GPRC6A: variants seen among roughly 807,000 people sequenced by gnomAD.
GPRC6A encodes G protein-coupled receptor class C group 6 member A.
In GPRC6A, 54 loss-of-function variants were observed where a neutral mutation model predicts 47.0. That is an observed-to-expected ratio of 1.15 (90% confidence interval 0.92 to 1.44). The LOEUF is 1.44. GPRC6A is among the 40% of genes most tolerant of loss of function. The pLI is 0.00. For missense variants in GPRC6A, 1,112 were observed against 1,105.5 expected (o/e 1.01, Z -0.08); for synonymous variants, 347 against 377.1 (o/e 0.92, Z 0.93).
chr6:116,805,886 A>G (rs1772820605), intron 3 of GPRC6A, among the ~76,000 whole-genome samples: 3 of 152,074 alleles, frequency 2.0e-5, no homozygotes, highest in African/African-American at 7.2e-5. Context: ...TGAGAGTCTT[A>G]ACTATAGGTG....
Position 116,792,651 on chromosome 6 carries a change from A to G in GPRC6A, c.2272T>C (p.Tyr758His), listed in dbSNP as rs1417620552. The G allele has an allele frequency of 1.9e-6, 3 of 1,613,604 alleles. No individual in the cohort carries two copies. The highest frequency in any genetic ancestry group is 2.5e-6 in the Non-Finnish European group (3 of 1,179,684). Residue 758 changes from tyrosine to histidine, a missense_variant, in exon 6 of 6, where the codon TAC becomes CAC. Coordinates refer to ENST00000310357, the MANE Select transcript of GPRC6A (RefSeq NM_148963.4). ...SILAFGTMLG[Y>H]IAILAFICFI... ...CAAATGAAGGCCAGGATGGCAATGT[A>G]GCCCAGCATGGTGCCAAATGCAAGT...
In GPRC6A at chr6:116,792,737, G is replaced by A. The variant is rs764428178; in HGVS notation, c.2186C>T (p.Thr729Ile). Residue 729 changes from threonine (T) to isoleucine (I), a missense_variant, in exon 6 of 6, where the codon ACT becomes ATT. Coordinates refer to ENST00000310357, the MANE Select transcript of GPRC6A (RefSeq NM_148963.4). ...GGGCAAGGAGACATTCACCTCTACA[G>A]TAGGTGCTGCAAAGATTAGCCAGAG... is the stretch of plus-strand genomic sequence containing the variant. Reference protein sequence around the residue: ...CTLWLIFAAPTVEVNVSLPRV... With the variant: ...CTLWLIFAAPIVEVNVSLPRV... 3 of 1,613,818 alleles carry A rather than the reference G, an allele frequency of 1.9e-6. No individual in the cohort carries two copies. Among genetic ancestry groups the A allele is most frequent in the Non-Finnish European group, 2.5e-6 (3 of 1,179,830 alleles).
At chr6:116,811,896 C>A (rs1338079483) in intron 1 of GPRC6A, among the ~76,000 whole-genome samples, 4 of 151,576 alleles carry the variant, frequency 2.6e-5, no homozygotes, top group Non-Finnish European at 5.9e-5. Context: ...ATGAAGTGAC[C>A]AAATATACAA....
At chr6:116,800,461 G>A (rs1282991778) in intron 4 of GPRC6A, 123 bp downstream of exon 4, 3 of 565,034 alleles carry the variant, frequency 5.3e-6, no homozygotes, top group African/African-American at 3.8e-5. Flanking sequence ...TGATTAGGCA[G>A]AAACTTGATT....
intron 1 of GPRC6A, among the ~76,000 whole-genome samples, chr6:116,811,711 A>T (rs1773029934): frequency 6.6e-6 from 1 of 152,184 alleles, no homozygotes; most frequent in Non-Finnish European, 1.5e-5. Context: ...TCATTGAATG[A>T]ACAACATAAC....
Position 116,809,434 on chromosome 6 carries a change from A to G in GPRC6A, c.378T>C (p.Thr126=). 6.2e-7 allele frequency: 1 copy of G among 1,613,746 alleles called. No individual in the cohort carries two copies. The highest frequency in any genetic ancestry group is 8.5e-7 in the Non-Finnish European group (1 of 1,179,796). ...TGGAATAGTCACACTTAAACTCCAC[A>G]GTTTCTCTGGAGCAGTTGAATTTAG... ...FLSKFNCSRE[T]VEFKCDYSSY... is the part of the protein sequence containing the mutation. Residue 126 remains threonine, a synonymous_variant, in exon 2 of 6, where the codon ACT becomes ACC. Transcript: ENST00000310357.
At chr6:116,816,794 G>A (rs547408678) in intron 1 of GPRC6A, among the ~76,000 whole-genome samples, 19 of 152,218 alleles carry the variant, frequency 1.2e-4, no homozygotes, top group South Asian at 6.2e-4. Context: ...CTGGAAAATC[G>A]GGTCACTCCC....
chr6:116,800,386 T>C (rs1406698762), intron 4 of GPRC6A, among the ~76,000 whole-genome samples, 198 bp downstream of exon 4: 2 of 139,702 alleles, frequency 1.4e-5, no homozygotes, highest in Non-Finnish European at 3.1e-5. Context: ...CCTCCCTCTC[T>C]CTCTCTCTTT....
intron 4 of GPRC6A, among the ~76,000 whole-genome samples, chr6:116,800,380 CCT>C (rs763028602): frequency 2.1e-5 from 3 of 145,812 alleles, no homozygotes; most frequent in Non-Finnish European, 3.0e-5. Flanking sequence ...TCCCTCCCTC[CCT>C]CTCTCTCTCT....
intron 1 of GPRC6A, among the ~76,000 whole-genome samples, chr6:116,825,538 A>G (rs1773652916): frequency 6.6e-6 from 1 of 152,018 alleles, no homozygotes; most frequent in Admixed American, 6.6e-5. Flanking sequence ...AAGCAAAACT[A>G]TGGAACACTG....
intron 1 of GPRC6A, among the ~76,000 whole-genome samples, chr6:116,811,759 A>G (rs1247439217): frequency 6.6e-6 from 1 of 152,128 alleles, no homozygotes; most frequent in Admixed American, 6.5e-5. Flanking sequence ...GTTCAAGCAG[A>G]CAAAAGAACC....
chr6:116,809,091 C>T (rs1331490512), intron 2 of GPRC6A, among the ~76,000 whole-genome samples: 2 of 152,156 alleles, frequency 1.3e-5, no homozygotes, highest in African/African-American at 4.8e-5. Context: ...CAACTCTGCA[C>T]TTGCTGCTTT....
At chr6:116,820,036 G>A (rs1440240133) in intron 1 of GPRC6A, among the ~76,000 whole-genome samples, 1 of 148,952 alleles carries the variant, frequency 6.7e-6, no homozygotes, top group Non-Finnish European at 1.5e-5. Flanking sequence ...TATCACCACC[G>A]ATCCCACAGA....
Position 116,806,591 on chromosome 6 carries a change from A to T in GPRC6A, c.1114T>A (p.Leu372Met). The T allele has an allele frequency of 6.2e-7, 1 of 1,613,632 alleles. No homozygotes were observed. The highest frequency in any genetic ancestry group is 1.1e-5 in the South Asian group (1 of 91,074). Residue 372 changes from leucine (L) to methionine (M), a missense_variant, in exon 3 of 6, where the codon TTG (leucine) becomes ATG (methionine). Leu to Met is a conservative substitution (Grantham distance 15, BLOSUM62 2). Transcript: ENST00000310357. ...SACAYVKDTD[L>M]SQCIFNHSQR... is the part of the protein sequence containing the mutation. ...GAATGATTGAATATGCATTGACTCA[A>T]ATCAGTGTCCTTGACATATGCGCAG... is the stretch of plus-strand genomic sequence containing the variant.
chr6:116,809,181 T>A (rs1772945620), intron 2 of GPRC6A, 133 bp downstream of exon 2: 3 of 662,808 alleles, frequency 4.5e-6, no homozygotes, highest in Non-Finnish European at 5.1e-6. Flanking sequence ...ATGGTGTGCA[T>A]CCTTTCTTTA....
chr6:116,818,956 G>T (rs1245788978), intron 1 of GPRC6A, among the ~76,000 whole-genome samples: 1 of 152,068 alleles, frequency 6.6e-6, no homozygotes, highest in East Asian at 1.9e-4. Context: ...CTGTATTCAG[G>T]AAACCCATCT....
At chr6:116,814,349 C>T (rs1367301848) in intron 1 of GPRC6A, among the ~76,000 whole-genome samples, 1 of 152,092 alleles carries the variant, frequency 6.6e-6, no homozygotes, top group Non-Finnish European at 1.5e-5. Context: ...GACTTGCAAC[C>T]AACCCAAATG....
chr6:116,799,154 G>T (rs910703556), intron 4 of GPRC6A, among the ~76,000 whole-genome samples: 1 of 152,188 alleles, frequency 6.6e-6, no homozygotes, highest in Non-Finnish European at 1.5e-5. Context: ...GAGAATATCA[G>T]TTCTGTTTTG....
At chr6:116,820,911 A>G (rs377643299) in intron 1 of GPRC6A, among the ~76,000 whole-genome samples, 5 of 151,910 alleles carry the variant, frequency 3.3e-5, no homozygotes, top group African/African-American at 1.2e-4. Context: ...AAAAGAGGAA[A>G]TCAAATTGTC....
Sources: gnomAD v4.1 joint callset for allele counts (sites outside exome capture counted in the v4.1 genomes callset) on GRCh38, gnomAD v4.1.1 for gene constraint, MANE v1.5 for transcripts, NCBI Gene and HGNC (gene_info 2026-07-23, HGNC 2026-07-21) for gene names.